ACKR3: variants seen among roughly 807,000 people sequenced by gnomAD.
The protein encoded by ACKR3 is atypical chemokine receptor 3, also known as C-X-C chemokine receptor type 7.
In ACKR3, 6 loss-of-function variants were observed where a neutral mutation model predicts 22.4. That is an observed-to-expected ratio of 0.27 (90% CI 0.15 to 0.53). The LOEUF (loss-of-function observed/expected upper bound fraction) is 0.53, where lower values mean the gene tolerates loss of function less well. ACKR3 is among the 20% of genes least tolerant of loss of function. The pLI is 0.96. For synonymous variants in ACKR3, 209 were observed against 205.2 expected (o/e 1.02, Z -0.16); for missense variants, 396 against 475.2 (o/e 0.83, Z 1.55).
chr2:236,544,096 T>G, the ACKR3 span, among the ~76,000 whole-genome samples: 1 of 150,392 alleles, frequency 6.6e-6, no homozygotes, highest in African/African-American at 2.4e-5. The surrounding 1 kb of genome is among the most constrained non-coding windows in gnomAD (Gnocchi z 5.0). Context: ...TTCAAGTGAT[T>G]CTGCTGCCTC....
upstream of ACKR3, among the ~76,000 whole-genome samples, chr2:236,564,088 G>T (rs1250281511): frequency 6.6e-6 from 1 of 152,182 alleles, no homozygotes; most frequent in African/African-American, 2.4e-5. Context: ...CTGCGACAGG[G>T]GCCAGAGGCC....
At chr2:236,564,596 T>A (rs1343097108), upstream of ACKR3, among the ~76,000 whole-genome samples, 4 of 132,964 alleles carry the variant, frequency 3.0e-5, no homozygotes. Flanking sequence ...TTCCTAGTTT[T>A]TTTTTTTTTT....
At chr2:236,546,294 C>T in the ACKR3 span, among the ~76,000 whole-genome samples, 17 of 152,158 alleles carry the variant, frequency 1.1e-4, no homozygotes, top group Admixed American at 7.9e-4. This position sits in a 1 kb window ranked among gnomAD's most constrained non-coding sequence, Gnocchi z 4.9. Flanking sequence ...TCTGGAAGGA[C>T]GGCTTCTCAG....
the ACKR3 span, among the ~76,000 whole-genome samples, chr2:236,552,554 GGA>G: frequency 6.6e-6 from 1 of 152,114 alleles, no homozygotes; most frequent in African/African-American, 2.4e-5. Flanking sequence ...TGGGAGGAGG[GGA>G]GAGAGATAAT....
chr2:236,572,924 T>G (rs1416499138), intron 1 of ACKR3, among the ~76,000 whole-genome samples: 1 of 152,220 alleles, frequency 6.6e-6, no homozygotes, highest in African/African-American at 2.4e-5. Flanking sequence ...GTAGTTATTA[T>G]TTTTTGCGTT....
At chr2:236,543,003 AG>A in the ACKR3 span, among the ~76,000 whole-genome samples, 2 of 152,268 alleles carry the variant, frequency 1.3e-5, no homozygotes, top group African/African-American at 2.4e-5. Context: ...CTTGCCCTCC[AG>A]GACTACAAAT....
chr2:236,562,559 C>A, the ACKR3 span, among the ~76,000 whole-genome samples: 1 of 151,984 alleles, frequency 6.6e-6, no homozygotes, highest in Non-Finnish European at 1.5e-5. Context: ...AGAGTATGTT[C>A]AACTTTAGTG....
At chr2:236,567,265 C>T (rs911485630), upstream of ACKR3, among the ~76,000 whole-genome samples, 2 of 152,312 alleles carry the variant, frequency 1.3e-5, no homozygotes, top group Non-Finnish European at 2.9e-5. Context: ...TCCCAAAGTG[C>T]TGGGATTACA....
At chr2:236,554,604 T>A in the ACKR3 span, among the ~76,000 whole-genome samples, 1 of 152,172 alleles carries the variant, frequency 6.6e-6, no homozygotes, top group Admixed American at 6.5e-5. Context: ...ACCTGTCCTC[T>A]TGGGCACCAA....
the ACKR3 span, among the ~76,000 whole-genome samples, chr2:236,552,251 C>G: frequency 1.3e-5 from 2 of 152,150 alleles, no homozygotes; most frequent in Non-Finnish European, 2.9e-5. Flanking sequence ...CTGGCCAGGA[C>G]TTCTCAATGT....
At position 236,580,704 on chromosome 2, in the gene ACKR3, A is replaced by G. The variant is rs1162665813; in HGVS notation, c.239A>G (p.His80Arg). The G allele has an allele frequency of 6.2e-7, 1 of 1,614,062 alleles. No homozygotes were observed. The highest frequency in any genetic ancestry group is 8.5e-7 in the Non-Finnish European group (1 of 1,180,010). ...GCCAAGACCACAGGCTATGACACGC[A>G]CTGCTACATCTTGAACCTGGCCATT... Reference protein sequence around the residue: ...IQAKTTGYDTHCYILNLAIAD... With the variant: ...IQAKTTGYDTRCYILNLAIAD... The change falls in exon 2 of 2, where the codon CAC (histidine) becomes CGC (arginine). Residue 80 changes from histidine (H) to arginine (R), a missense_variant. By Grantham distance (29) the His-to-Arg change is conservative. Coordinates refer to ENST00000272928, the MANE Select transcript of ACKR3 (RefSeq NM_020311.3).
At chr2:236,554,537 C>G in the ACKR3 span, among the ~76,000 whole-genome samples, 17 of 152,308 alleles carry the variant, frequency 1.1e-4, no homozygotes, top group African/African-American at 4.1e-4. Flanking sequence ...GCCCCTGCCC[C>G]CAGGGCTGAG....
At position 236,574,383 on chromosome 2, in the gene ACKR3, G is replaced by T. The variant is rs571858642; in HGVS notation, c.-27+4459G>T. ...CAGAAGACTTGGTGGGGGGTGCGGG[G>T]CCTGGTAGGAATGAGGTGGAGGGGC... On this transcript the variant is annotated intron_variant, in intron 1 of 1. Coordinates refer to ENST00000272928, the MANE Select transcript of ACKR3 (RefSeq NM_020311.3). This position sits in a 1 kb window ranked among gnomAD's most constrained non-coding sequence, Gnocchi z 5.6. Among the ~76,000 whole-genome samples the T allele has an allele frequency of 3.4e-4, 52 of 152,280 alleles. No individual in the cohort carries two copies. Among genetic ancestry groups the T allele is most frequent in the African/African-American group, 1.1e-3 (45 of 41,560 alleles).
the ACKR3 span, among the ~76,000 whole-genome samples, chr2:236,558,545 G>A: frequency 2.0e-5 from 3 of 152,156 alleles, no homozygotes; most frequent in Admixed American, 1.3e-4. Flanking sequence ...CTTGAAGGAA[G>A]GAAAGTGTTG....
chr2:236,537,559 G>A, the ACKR3 span, among the ~76,000 whole-genome samples: 1 of 152,152 alleles, frequency 6.6e-6, no homozygotes, highest in Non-Finnish European at 1.5e-5. Flanking sequence ...GGGCCACCCT[G>A]GCATAAATGC....
chr2:236,551,993 G>T, the ACKR3 span, among the ~76,000 whole-genome samples: 2 of 152,140 alleles, frequency 1.3e-5, no homozygotes, highest in African/African-American at 4.8e-5. Flanking sequence ...ACCCTCCTGT[G>T]CACTCGGGCC....
chr2:236,566,351 G>A (rs184444235), upstream of ACKR3, among the ~76,000 whole-genome samples: 1 of 152,342 alleles, frequency 6.6e-6, no homozygotes. Context: ...CTGGGACAGC[G>A]GTAGGGACAG....
chr2:236,551,521 T>G, the ACKR3 span, among the ~76,000 whole-genome samples: 8,951 of 152,156 alleles, frequency 0.059, 335 homozygotes, highest in Non-Finnish European at 0.093. Context: ...CACCTGAATC[T>G]CCCAGTGTGT....
At chr2:236,563,222 T>C (rs1312456437), upstream of ACKR3, among the ~76,000 whole-genome samples, 1 of 152,130 alleles carries the variant, frequency 6.6e-6, no homozygotes, top group African/African-American at 2.4e-5. Flanking sequence ...GTGGGCAAAA[T>C]AGGGAGAGGA....
Sources: allele counts gnomAD v4.1 joint callset (sites outside exome capture counted in the v4.1 genomes callset), GRCh38; gene constraint gnomAD v4.1.1; non-coding constraint Gnocchi (gnomAD v3.1); transcripts MANE v1.5; gene names NCBI Gene and HGNC (gene_info 2026-07-23, HGNC 2026-07-21).